PLGRKT: variants seen among roughly 807,000 people sequenced by gnomAD.
The protein encoded by PLGRKT is plasminogen receptor (KT).
A neutral mutation model predicts 18.5 loss-of-function variants in PLGRKT; 22 were observed. That is an observed-to-expected ratio of 1.19 (90% CI 0.85 to 1.70). The LOEUF (loss-of-function observed/expected upper bound fraction) is 1.70, where lower values mean the gene tolerates loss of function less well. PLGRKT is among the 40% of genes most tolerant of loss of function. The pLI is 0.00. For missense variants in PLGRKT, 235 were observed against 174.4 expected (o/e 1.35, Z -1.96); for synonymous variants, 72 against 52.8 (o/e 1.36, Z -1.58).
intron 3 of PLGRKT, among the ~76,000 whole-genome samples, chr9:5,415,251 C>T (rs1818438307): frequency 6.6e-6 from 1 of 152,038 alleles, no homozygotes; most frequent in Non-Finnish European, 1.5e-5. Flanking sequence ...ACAATCTGGG[C>T]CGCAAAATAA....
intron 3 of PLGRKT, among the ~76,000 whole-genome samples, chr9:5,394,403 G>A (rs528963873): frequency 2.0e-5 from 3 of 151,800 alleles, no homozygotes; most frequent in African/African-American, 7.3e-5. Flanking sequence ...TTTTTAATGA[G>A]AAGTTTTTTG....
intron 3 of PLGRKT, among the ~76,000 whole-genome samples, chr9:5,411,394 AAAAAAG>A (rs924847834): frequency 2.7e-5 from 4 of 149,874 alleles, no homozygotes. Flanking sequence ...CAAAAAAAAA[AAAAAAG>A]AAAAGAAAAG....
At position 5,395,826 on chromosome 9, in the gene PLGRKT, A is replaced by T. The variant is rs7865007; in HGVS notation, c.82-33938T>A. On this transcript the variant is annotated intron_variant, in intron 3 of 5. Coordinates refer to ENST00000223864, the MANE Select transcript of PLGRKT (RefSeq NM_018465.4). ...GAAACATTGACAAAAAAAAAGGTGG[A>T]TTTTTTTTATTTGATTGGATACCAT... 9.4e-5 allele frequency among the ~76,000 whole-genome samples: 14 copies of T among 148,756 alleles called. No individual in the cohort carries two copies. The South Asian group carries it at 2.5e-3, about 27-fold the overall frequency.
chr9:5,374,906 T>TG (rs1817599089), intron 3 of PLGRKT, among the ~76,000 whole-genome samples: 1 of 152,172 alleles, frequency 6.6e-6, no homozygotes, highest in Non-Finnish European at 1.5e-5. Context: ...TTTTACATGC[T>TG]ATTATGTTCT....
rs139556069 is a variant in PLGRKT, at chr9:5,397,370, TC to T, written c.81+34526del. ...CCTCTACATCCAGCTTTAGTGTTCA[TC>T]ATAGCACTTAGCTCGATTTACACTT... On this transcript the variant is annotated intron_variant, in intron 3 of 5. Coordinates refer to ENST00000223864, the MANE Select transcript of PLGRKT (RefSeq NM_018465.4). 3.1e-3 allele frequency among the ~76,000 whole-genome samples: 473 copies of T among 152,040 alleles called. 11 individuals carry two copies. Among genetic ancestry groups the T allele is most frequent in the African/African-American group, 0.01 (432 of 41,288 alleles).
Position 5,398,131 on chromosome 9 carries a change from T to C in PLGRKT, c.81+33766A>G, listed in dbSNP as rs961915036. Among the ~76,000 whole-genome samples, 6 of 151,706 alleles carry C rather than the reference T, an allele frequency of 4.0e-5. 1 individual carries two copies. Among genetic ancestry groups the C allele is most frequent in the African/African-American group, 1.5e-4 (6 of 41,048 alleles). ...GACAATGAATAAGATCCCTTCCAAG[T>C]GGGAGCTTCTCTTTGTGACTCTGGG... On this transcript the variant is annotated intron_variant, in intron 3 of 5. Transcript: ENST00000223864.
rs151145780 is a variant in PLGRKT, at chr9:5,376,521, C to T, written c.82-14633G>A. 4.6e-3 allele frequency among the ~76,000 whole-genome samples: 698 copies of T among 152,240 alleles called. 3 individuals carry two copies. Among genetic ancestry groups the T allele is most frequent in the Middle Eastern group, 0.017 (5 of 294 alleles). ...ATATAAAAGTAGTACAACCCTATGGCTGAATTTGGAAACAACAACATTAAA... is the reference window on the plus strand; with the variant it reads ...ATATAAAAGTAGTACAACCCTATGGTTGAATTTGGAAACAACAACATTAAA... On this transcript the variant is annotated intron_variant, in intron 3 of 5. Coordinates refer to ENST00000223864, the MANE Select transcript of PLGRKT (RefSeq NM_018465.4).
chr9:5,385,033 G>T lies in PLGRKT; in HGVS notation c.82-23145C>A, dbSNP rs187724169. The stretch of plus-strand genomic sequence containing the variant: ...AAGTCACCAAGGTGAGATGAGGTCA[G>T]ATGGAGGTGGGTGGGGCCAGGGGAG... On this transcript the variant is annotated intron_variant, in intron 3 of 5. Transcript: ENST00000223864. 1.0e-3 allele frequency among the ~76,000 whole-genome samples: 159 copies of T among 152,318 alleles called. 1 individual carries two copies. The highest frequency in any genetic ancestry group is 3.7e-3 in the African/African-American group (152 of 41,576).
intron 4 of PLGRKT, 148 bp from the exon 5 acceptor site, chr9:5,361,335 T>G (rs1817260487): frequency 3.4e-6 from 2 of 589,314 alleles, no homozygotes; most frequent in South Asian, 2.2e-5. Context: ...TCTATGGAAA[T>G]AGGATTTCCT....
intron 2 of PLGRKT, among the ~76,000 whole-genome samples, chr9:5,435,875 T>TA (rs1475201120): frequency 7.2e-5 from 11 of 152,250 alleles, no homozygotes; most frequent in African/African-American, 2.7e-4. Flanking sequence ...GAAGCCCAGC[T>TA]AATGGGGTTC....
At chr9:5,373,018 A>G (rs757309459) in intron 3 of PLGRKT, among the ~76,000 whole-genome samples, 17 of 152,182 alleles carry the variant, frequency 1.1e-4, no homozygotes, top group Non-Finnish European at 2.2e-4. Context: ...ACTTGCAATA[A>G]TCACGTTAAT....
At chr9:5,424,539 T>C (rs1183492462) in intron 3 of PLGRKT, among the ~76,000 whole-genome samples, 3 of 109,916 alleles carry the variant, frequency 2.7e-5, no homozygotes, top group Non-Finnish European at 5.2e-5. Flanking sequence ...TATTAACATA[T>C]ATGTTAATAT....
chr9:5,359,580 G>A (rs1193281354), intron 5 of PLGRKT, among the ~76,000 whole-genome samples: 2 of 152,152 alleles, frequency 1.3e-5, no homozygotes, highest in Admixed American at 6.5e-5. Flanking sequence ...CTCATCATGT[G>A]TTAAAAGAAT....
intron 3 of PLGRKT, among the ~76,000 whole-genome samples, chr9:5,394,271 G>C (rs1818003417): frequency 6.6e-6 from 1 of 151,764 alleles, no homozygotes; most frequent in Non-Finnish European, 1.5e-5. Context: ...AGGCAGAGGA[G>C]GCAGACATAT....
In PLGRKT at chr9:5,366,696, A is replaced by G. The variant is rs114640651; in HGVS notation, c.82-4808T>C. Among the ~76,000 whole-genome samples, 1,148 of 152,254 alleles carry G rather than the reference A, an allele frequency of 7.5e-3. 21 individuals are homozygous for G. Among genetic ancestry groups the G allele is most frequent in the African/African-American group, 0.026 (1,088 of 41,544 alleles). Reference sequence around the variant, plus strand: ...TCCCCTTGAAAACTAGAACAAAACAAGGATGCCCCCTCTCACCACTGCTAT... The same window carrying G: ...TCCCCTTGAAAACTAGAACAAAACAGGGATGCCCCCTCTCACCACTGCTAT... On this transcript the variant is annotated intron_variant, in intron 3 of 5. Transcript: ENST00000223864.
intron 2 of PLGRKT, among the ~76,000 whole-genome samples, chr9:5,434,615 G>C (rs1039792068): frequency 6.7e-6 from 1 of 149,218 alleles, no homozygotes; most frequent in Non-Finnish European, 1.5e-5. Flanking sequence ...GGGAGGTGGG[G>C]AGCGCCTCTG....
chr9:5,361,754 A>G lies in PLGRKT; in HGVS notation c.212+4T>C. 1 of 1,601,078 alleles carries G rather than the reference A, an allele frequency of 6.2e-7. No homozygotes were observed. The highest frequency in any genetic ancestry group is 8.5e-7 in the Non-Finnish European group (1 of 1,176,720). ...CTGAAGAAAATGTTAAATAGCAAAC[A>G]TACCCAGCTGTTAAAGAGATGGCTG... On this transcript the variant is annotated splice_donor_region_variant and intron_variant, in intron 4 of 5. Transcript: ENST00000223864.
At chr9:5,425,301 AAC>A (rs1286322463) in intron 3 of PLGRKT, among the ~76,000 whole-genome samples, 1 of 152,202 alleles carries the variant, frequency 6.6e-6, no homozygotes, top group Admixed American at 6.5e-5. Flanking sequence ...CCACCATCCT[AAC>A]ACAGGCTAGA....
At chr9:5,403,135 C>A (rs1212917625) in intron 3 of PLGRKT, among the ~76,000 whole-genome samples, 3 of 151,646 alleles carry the variant, frequency 2.0e-5, no homozygotes, top group Non-Finnish European at 4.4e-5. Context: ...TTTAAACAGA[C>A]AGCAGATTGG....
Sources: gnomAD v4.1 joint callset for allele counts (sites outside exome capture counted in the v4.1 genomes callset) on GRCh38, gnomAD v4.1.1 for gene constraint, MANE v1.5 for transcripts, NCBI Gene and HGNC (gene_info 2026-07-23, HGNC 2026-07-21) for gene names.